Variants in OPCML observed in about 807,000 individuals in gnomAD.
OPCML encodes the protein opioid-binding protein/cell adhesion molecule.
OPCML carries 13 observed loss-of-function variants against 37.8 expected under a neutral mutation model. The observed-to-expected ratio is 0.34, with a 90% confidence interval of 0.22 to 0.55. OPCML has a LOEUF of 0.55. OPCML is among the 20% of genes least tolerant of loss of function. The pLI is 0.91. For synonymous variants in OPCML, 176 were observed against 168.8 expected, an observed-to-expected ratio of 1.04 and a Z score of -0.33; for missense variants, 341 against 435.6, an observed-to-expected ratio of 0.78 and a Z score of 1.93.
intron 1 of OPCML, among the ~76,000 whole-genome samples, chr11:133,450,693 G>A (rs1946563440): frequency 6.6e-6 from 1 of 151,696 alleles, no homozygotes; most frequent in Non-Finnish European, 1.5e-5. Context: ...CTTCCACAAG[G>A]AAAAGGAAAC....
In OPCML at chr11:133,029,793, G is replaced by T. The variant is rs192264312; in HGVS notation, c.62-86783C>A. 3.4e-3 allele frequency among the ~76,000 whole-genome samples: 517 copies of T among 152,148 alleles called. 2 individuals are homozygous for T. The highest frequency in any genetic ancestry group is 5.9e-3 in the Non-Finnish European group (403 of 68,016). ...TACTCAGGTGACAGGATCACTAAAA[G>T]CCCAAACCTCAGCATCACGCTATAT... On this transcript the variant is annotated intron_variant, in intron 1 of 7. Coordinates refer to ENST00000524381, the MANE Select transcript of OPCML (RefSeq NM_001012393.5).
At chr11:133,524,578 T>C (rs1948453287) in intron 1 of OPCML, among the ~76,000 whole-genome samples, 1 of 152,220 alleles carries the variant, frequency 6.6e-6, no homozygotes. Context: ...ATTAAACCAA[T>C]AGCCCACATT....
chr11:132,798,572 C>T (rs1938467137), intron 2 of OPCML, among the ~76,000 whole-genome samples: 1 of 152,278 alleles, frequency 6.6e-6, no homozygotes, highest in Non-Finnish European at 1.5e-5. Flanking sequence ...AATTCTAGTT[C>T]TCTTGCTGTT....
rs183909175 is a variant in OPCML, at chr11:133,495,420, G to C, written c.61+36844C>G. Among the ~76,000 whole-genome samples the C allele has an allele frequency of 1.9e-3, 287 of 152,330 alleles. 2 individuals are homozygous for C. The highest frequency in any genetic ancestry group is 6.5e-3 in the African/African-American group (272 of 41,580). Reference sequence around the variant, plus strand: ...TTCTTTTCCTCTGGGTAGATACCCAGTAGTGGGATTGCTGGATCTAATGGT... The same window carrying C: ...TTCTTTTCCTCTGGGTAGATACCCACTAGTGGGATTGCTGGATCTAATGGT... On this transcript the variant is annotated intron_variant, in intron 1 of 7. Coordinates refer to ENST00000524381, the MANE Select transcript of OPCML (RefSeq NM_001012393.5).
At position 133,131,213 on chromosome 11, in the gene OPCML, T is replaced by C. The variant is rs558113284; in HGVS notation, c.62-188203A>G. On this transcript the variant is annotated intron_variant, in intron 1 of 7. Coordinates refer to ENST00000524381, the MANE Select transcript of OPCML (RefSeq NM_001012393.5). ...TCTTGGACTTCCCATACTCCAGAAC[T>C]GTAGGAAATAAATGTCTATTTCCTA... Among the ~76,000 whole-genome samples the C allele has an allele frequency of 6.9e-4, 105 of 152,300 alleles. 1 individual carries two copies. Among genetic ancestry groups the C allele is most frequent in the Middle Eastern group, 6.8e-3 (2 of 292 alleles).
chr11:133,070,408 C>A (rs1373454412), intron 1 of OPCML, among the ~76,000 whole-genome samples: 1 of 152,132 alleles, frequency 6.6e-6, no homozygotes, highest in East Asian at 1.9e-4. Context: ...CCACCCTGGT[C>A]CATTTAGGCT....
intron 2 of OPCML, among the ~76,000 whole-genome samples, chr11:132,814,442 A>C (rs113795316): frequency 8.5e-5 from 13 of 152,348 alleles, no homozygotes; most frequent in African/African-American, 3.1e-4. Context: ...TCCCAGCCCA[A>C]GGGCAGAAGC....
intron 1 of OPCML, among the ~76,000 whole-genome samples, chr11:133,250,380 A>T (rs943234353): frequency 2.0e-5 from 3 of 151,596 alleles, no homozygotes; most frequent in Non-Finnish European, 2.9e-5. Context: ...CCAAAAAGAA[A>T]TGAGGAAGGA....
chr11:133,250,054 T>C (rs559711071), intron 1 of OPCML, among the ~76,000 whole-genome samples: 1 of 152,290 alleles, frequency 6.6e-6, no homozygotes, highest in African/African-American at 2.4e-5. Flanking sequence ...GTCACCAAAC[T>C]CAGCTTAAAG....
At chr11:132,672,303 T>C (rs1942510923) in intron 2 of OPCML, among the ~76,000 whole-genome samples, 2 of 152,212 alleles carry the variant, frequency 1.3e-5, no homozygotes, top group African/African-American at 4.8e-5. Flanking sequence ...TTATAATGAA[T>C]AATAAAGAAA....
At chr11:133,499,066 G>T (rs1947848335) in intron 1 of OPCML, among the ~76,000 whole-genome samples, 2 of 152,148 alleles carry the variant, frequency 1.3e-5, no homozygotes, top group South Asian at 4.1e-4. Context: ...AACCACCATG[G>T]TATTTATGCC....
chr11:133,289,650 G>A (rs1164748906), intron 1 of OPCML, among the ~76,000 whole-genome samples: 7 of 150,722 alleles, frequency 4.6e-5, no homozygotes, highest in Non-Finnish European at 1.0e-4. Context: ...ATTCCCATCA[G>A]TACGGTCTTA....
chr11:132,765,977 C>A (rs1946430941), intron 2 of OPCML, among the ~76,000 whole-genome samples: 1 of 152,066 alleles, frequency 6.6e-6, no homozygotes, highest in African/African-American at 2.4e-5. Flanking sequence ...CAAAATAGCA[C>A]AGGGCCAGCT....
At chr11:132,799,356 C>A (rs577932229) in intron 2 of OPCML, among the ~76,000 whole-genome samples, 1 of 152,222 alleles carries the variant, frequency 6.6e-6, no homozygotes, top group South Asian at 2.1e-4. Flanking sequence ...ATCTCATGAA[C>A]CAACTTCTGC....
At chr11:132,465,554 T>C (rs773332926) in intron 4 of OPCML, among the ~76,000 whole-genome samples, 1 of 152,114 alleles carries the variant, frequency 6.6e-6, no homozygotes, top group African/African-American at 2.4e-5. Flanking sequence ...CATTTTCTTA[T>C]ATTATTTTCT....
intron 3 of OPCML, among the ~76,000 whole-genome samples, chr11:132,627,071 A>G (rs1345977023): frequency 3.3e-5 from 5 of 152,120 alleles, no homozygotes; most frequent in African/African-American, 1.2e-4. Context: ...ATCTATTGCA[A>G]TTAGGAGAGT....
intron 1 of OPCML, among the ~76,000 whole-genome samples, chr11:133,124,955 G>A (rs1949477506): frequency 6.6e-6 from 1 of 152,062 alleles, no homozygotes; most frequent in African/African-American, 2.4e-5. Flanking sequence ...TGTGTACTTG[G>A]ACATATTGGG....
intron 7 of OPCML, among the ~76,000 whole-genome samples, chr11:132,426,972 G>A (rs2095979699): frequency 2.0e-5 from 3 of 152,172 alleles, no homozygotes; most frequent in South Asian, 2.1e-4. Flanking sequence ...CCTGCCTCAT[G>A]AGAGATTTTG....
At position 132,914,475 on chromosome 11, in the gene OPCML, G is replaced by A. The variant is rs139913873; in HGVS notation, c.146+28451C>T. ...TACCCAATGTCTTGCTTCTGTATAC[G>A]GAAAAATAACCAGAAATTAAAATTT... On this transcript the variant is annotated intron_variant, in intron 2 of 7. Coordinates refer to ENST00000524381, the MANE Select transcript of OPCML (RefSeq NM_001012393.5). Among the ~76,000 whole-genome samples the A allele has an allele frequency of 5.9e-5, 9 of 152,186 alleles. No individual in the cohort carries two copies. The East Asian group carries it at 1.5e-3, about 26-fold the overall frequency.
Sources: gnomAD v4.1 joint callset for allele counts (sites outside exome capture counted in the v4.1 genomes callset) on GRCh38, gnomAD v4.1.1 for gene constraint, MANE v1.5 for transcripts, NCBI Gene and HGNC (gene_info 2026-07-23, HGNC 2026-07-21) for gene names.